The following SGPP2 variants were observed in gnomAD, a reference collection of about 807,000 sequenced individuals.
The protein encoded by SGPP2 is sphingosine-1-phosphate phosphatase 2, also known as sphingosine 1-phosphate phosphohydrolase 2.
A neutral mutation model predicts 33.9 loss-of-function variants in SGPP2; 30 were observed. The ratio of observed to expected loss-of-function variants is 0.89; its 90% CI spans 0.66 to 1.20. The LOEUF (loss-of-function observed/expected upper bound fraction) is 1.20. Among genes scored for constraint, SGPP2 ranks in the 50% most tolerant of loss-of-function variants. The pLI is 0.00. For missense variants in SGPP2, 458 were observed against 532.1 expected (o/e 0.86, Z 1.37); for synonymous variants, 233 against 225.0 (o/e 1.04, Z -0.32).
At chr2:222,478,267 T>TTG (rs113118208) in intron 2 of SGPP2, among the ~76,000 whole-genome samples, 22,267 of 141,340 alleles carry the variant, frequency 0.16, 1,823 homozygotes, top group Admixed American at 0.24. Flanking sequence ...GTGCATGCAT[T>TTG]TGTGTGTGTG....
chr2:222,489,707 T>C (rs1162081312), intron 2 of SGPP2, among the ~76,000 whole-genome samples: 1 of 152,176 alleles, frequency 6.6e-6, no homozygotes, highest in Non-Finnish European at 1.5e-5. Context: ...GACTTACACC[T>C]GTAATCTCAG....
intron 1 of SGPP2, among the ~76,000 whole-genome samples, chr2:222,459,373 C>T (rs1305401561): frequency 6.6e-6 from 1 of 152,034 alleles, no homozygotes; most frequent in Non-Finnish European, 1.5e-5. Context: ...TGGTCTCAAA[C>T]TCCTGAGCTC....
intron 2 of SGPP2, among the ~76,000 whole-genome samples, chr2:222,506,868 A>G (rs1336147618): frequency 6.6e-6 from 1 of 151,938 alleles, no homozygotes; most frequent in African/African-American, 2.4e-5. Context: ...TTAGAACTTA[A>G]AGTATAATAA....
At chr2:222,443,326 G>A (rs753777457) in intron 1 of SGPP2, among the ~76,000 whole-genome samples, 7 of 152,090 alleles carry the variant, frequency 4.6e-5, no homozygotes, top group African/African-American at 9.7e-5. Flanking sequence ...CATCGCCCAA[G>A]GTAGTGACCA....
chr2:222,464,157 C>T (rs1219988818), intron 1 of SGPP2, among the ~76,000 whole-genome samples: 10 of 152,254 alleles, frequency 6.6e-5, no homozygotes, highest in South Asian at 6.2e-4. Context: ...GAAAAATGTT[C>T]GGTTCAATGT....
intron 1 of SGPP2, among the ~76,000 whole-genome samples, chr2:222,445,442 C>T (rs1697384603): frequency 6.6e-6 from 1 of 152,220 alleles, no homozygotes; most frequent in Admixed American, 6.5e-5. Context: ...CCTCTTGTCC[C>T]ACACCTGCAG....
chr2:222,518,442 G>T (rs910679121), intron 2 of SGPP2, among the ~76,000 whole-genome samples: 1 of 152,200 alleles, frequency 6.6e-6, no homozygotes, highest in African/African-American at 2.4e-5. Flanking sequence ...CTGTTAGGAT[G>T]TGAGGATTTT....
intron 1 of SGPP2, chr2:222,452,672 G>A: frequency 3.6e-6 from 5 of 1,384,162 alleles, no homozygotes; most frequent in Non-Finnish European, 5.1e-6. Flanking sequence ...AGGACTGGAT[G>A]TTCAGGCTGT....
Position 222,521,940 on chromosome 2 carries a change from A to G in SGPP2, c.552A>G (p.Arg184=). ...CCCTCCTTATCTCTACTATGGACAG[A>G]TACCAGGTAAGGTGGCCTGGTTCTT... ...AFTLLISTMD[R]YQYPFVLGLV... Residue 184 remains arginine (R), a synonymous_variant, in exon 3 of 5, where the codon AGA becomes AGG. Coordinates refer to ENST00000321276, the MANE Select transcript of SGPP2 (RefSeq NM_152386.4). 1 of 1,528,210 alleles carries G rather than the reference A, an allele frequency of 6.5e-7. No homozygotes were observed. Among genetic ancestry groups the G allele is most frequent in the Non-Finnish European group, 8.8e-7 (1 of 1,138,118 alleles). The allele number at this position is 1,528,210 out of a possible 1,614,324, so 94.7% of individuals were successfully genotyped here.
At chr2:222,464,087 G>A (rs761952982) in intron 1 of SGPP2, among the ~76,000 whole-genome samples, 6 of 152,118 alleles carry the variant, frequency 3.9e-5, no homozygotes, top group Admixed American at 2.6e-4. Context: ...TAATATAAAT[G>A]AATCAGAAAC....
At chr2:222,459,138 C>CTTTT (rs1697618656) in intron 1 of SGPP2, among the ~76,000 whole-genome samples, 1 of 121,328 alleles carries the variant, frequency 8.2e-6, no homozygotes, top group African/African-American at 2.9e-5. Context: ...TTCTTTCTTT[C>CTTTT]TTTCTTTTTT....
At chr2:222,532,119 A>G (rs1698847648) in intron 4 of SGPP2, among the ~76,000 whole-genome samples, 1 of 151,988 alleles carries the variant, frequency 6.6e-6, no homozygotes, top group Non-Finnish European at 1.5e-5. Context: ...CTAAAAATAC[A>G]AAAAATTAGC....
Position 222,430,954 on chromosome 2 carries a change from G to A in SGPP2, c.219+6133G>A, listed in dbSNP as rs142854501. 3.7e-3 allele frequency among the ~76,000 whole-genome samples: 570 copies of A among 152,102 alleles called. 2 individuals are homozygous for A. Among genetic ancestry groups the A allele is most frequent in the African/African-American group, 0.013 (535 of 41,480 alleles). Reference sequence around the variant, plus strand: ...CTAAGGAGGCATGACTAAATGTTATGTAGTATCCTGGATGAGGTCATGGAA... The same window carrying A: ...CTAAGGAGGCATGACTAAATGTTATATAGTATCCTGGATGAGGTCATGGAA... On this transcript the variant is annotated intron_variant, in intron 1 of 4. Transcript: ENST00000321276.
rs1253500548 is a variant in SGPP2 at position 222,460,059 on chromosome 2, G to A, written c.220-14509G>A. Among the ~76,000 whole-genome samples, 4 of 152,218 alleles carry A rather than the reference G, an allele frequency of 2.6e-5. No individual in the cohort carries two copies. Among genetic ancestry groups the A allele is most frequent in the East Asian group, 1.9e-4 (1 of 5,202 alleles). ...TTCAGAGCAGGAATCTGAAGCGCGC[G>A]GCCCTCGGTGACGGGGCTCAGTCAA... On this transcript the variant is annotated intron_variant, in intron 1 of 4. Transcript: ENST00000321276. The surrounding 1 kb of genome is among the most constrained non-coding windows in gnomAD (Gnocchi z 4.3).
chr2:222,471,205 C>G (rs10197979), intron 1 of SGPP2, among the ~76,000 whole-genome samples: 1 of 152,200 alleles, frequency 6.6e-6, no homozygotes, highest in Admixed American at 6.5e-5. Flanking sequence ...GTGCACTGCT[C>G]GGCTTGAGAC....
chr2:222,484,587 T>C (rs1427522418), intron 2 of SGPP2, among the ~76,000 whole-genome samples: 1 of 152,212 alleles, frequency 6.6e-6, no homozygotes, highest in Non-Finnish European at 1.5e-5. Context: ...TTTGGACTTA[T>C]GCCAGCTGTA....
chr2:222,487,878 C>G (rs1410746408), intron 2 of SGPP2, among the ~76,000 whole-genome samples: 2 of 152,138 alleles, frequency 1.3e-5, no homozygotes, highest in Non-Finnish European at 2.9e-5. Context: ...AAGAAGAGTT[C>G]CGCTTGGCAA....
intron 1 of SGPP2, among the ~76,000 whole-genome samples, chr2:222,441,866 G>A (rs1053223881): frequency 6.6e-6 from 1 of 152,040 alleles, no homozygotes; most frequent in African/African-American, 2.4e-5. Flanking sequence ...CAACTGTATT[G>A]ATTAGGAACC....
rs1272343207 is a variant in SGPP2, at chr2:222,550,544, T to C, written c.649-7803T>C. ...TTTATATAAAATTAGGATCATACTTTCTGTAAAGCTTGTATTCTGTTTAAA... is the reference window on the plus strand; with the variant it reads ...TTTATATAAAATTAGGATCATACTTCCTGTAAAGCTTGTATTCTGTTTAAA... On this transcript the variant is annotated intron_variant, in intron 4 of 4. Coordinates refer to ENST00000321276, the MANE Select transcript of SGPP2 (RefSeq NM_152386.4). The surrounding 1 kb of genome is among the most constrained non-coding windows in gnomAD (Gnocchi z 4.5). Among the ~76,000 whole-genome samples the C allele has an allele frequency of 6.6e-6, 1 of 152,228 alleles. No homozygotes were observed. Among genetic ancestry groups the C allele is most frequent in the African/African-American group, 2.4e-5 (1 of 41,460 alleles).
Sources: allele counts gnomAD v4.1 joint callset (sites outside exome capture counted in the v4.1 genomes callset), GRCh38; gene constraint gnomAD v4.1.1; non-coding constraint Gnocchi (gnomAD v3.1); transcripts MANE v1.5; gene names NCBI Gene and HGNC (gene_info 2026-07-23, HGNC 2026-07-21).